DESI2: variants seen among roughly 807,000 people sequenced by gnomAD.
DESI2 encodes the protein desumoylating isopeptidase 2, also known as deubiquitinase DESI2.
In DESI2, 10 loss-of-function variants were observed where a neutral mutation model predicts 24.1. The observed-to-expected ratio is 0.41, with a 90% CI of 0.26 to 0.70. DESI2 has a LOEUF of 0.70. Among genes scored for constraint, DESI2 ranks in the 30% least tolerant of loss-of-function variants. The pLI is 0.29. For missense variants in DESI2, 122 were observed against 234.9 expected, an observed-to-expected ratio of 0.52 and a Z score of 3.14; for synonymous variants, 71 against 87.7, an observed-to-expected ratio of 0.81 and a Z score of 1.06.
At chr1:244,679,710 A>G (rs1489551528) in intron 1 of DESI2, among the ~76,000 whole-genome samples, 1 of 152,002 alleles carries the variant, frequency 6.6e-6, no homozygotes, top group Non-Finnish European at 1.5e-5. Context: ...ATCTCTACTA[A>G]AAATACAAAA....
At chr1:244,661,134 C>G (rs1342061847) in intron 1 of DESI2, among the ~76,000 whole-genome samples, 1 of 152,100 alleles carries the variant, frequency 6.6e-6, no homozygotes, top group Non-Finnish European at 1.5e-5. Flanking sequence ...TTTTATCTTG[C>G]AAAACTGAGA....
chr1:244,704,702 A>T (rs139408829), intron 4 of DESI2, among the ~76,000 whole-genome samples: 420 of 152,284 alleles, frequency 2.8e-3, no homozygotes, highest in Non-Finnish European at 4.5e-3. Flanking sequence ...TCTGTTGCCT[A>T]GGCTGGAGTG....
chr1:244,655,382 G>A (rs186512206), intron 1 of DESI2, among the ~76,000 whole-genome samples: 435 of 152,298 alleles, frequency 2.9e-3, no homozygotes, highest in African/African-American at 9.4e-3. Context: ...GCATATGAAT[G>A]TTTATCGGAA....
At chr1:244,664,926 G>T (rs1224341338) in intron 1 of DESI2, among the ~76,000 whole-genome samples, 1 of 152,136 alleles carries the variant, frequency 6.6e-6, no homozygotes, top group Non-Finnish European at 1.5e-5. Flanking sequence ...GTTCCCAAGT[G>T]GAATGCCAGT....
intron 1 of DESI2, among the ~76,000 whole-genome samples, chr1:244,659,202 G>T (rs1319340644): frequency 1.4e-4 from 21 of 149,908 alleles, no homozygotes; most frequent in African/African-American, 5.2e-4. Flanking sequence ...GGGGAAGGGG[G>T]TGGGGGAAGC....
At chr1:244,697,034 C>G (rs1216345449) in intron 4 of DESI2, among the ~76,000 whole-genome samples, 1 of 152,130 alleles carries the variant, frequency 6.6e-6, no homozygotes, top group Non-Finnish European at 1.5e-5. Context: ...GGAGAGGATC[C>G]TTAAAGCTTG....
chr1:244,668,267 T>A lies in DESI2; in HGVS notation c.42+14912T>A, dbSNP rs547227608. Among the ~76,000 whole-genome samples, 441 of 152,254 alleles carry A rather than the reference T, an allele frequency of 2.9e-3. 3 individuals carry two copies. Among genetic ancestry groups the A allele is most frequent in the African/African-American group, 0.01 (419 of 41,556 alleles). On this transcript the variant is annotated intron_variant, in intron 1 of 4. Coordinates refer to ENST00000302550, the MANE Select transcript of DESI2 (RefSeq NM_016076.5). ...AAATGAGATTTAAACTGACATACAA[T>A]TTAGGGGGGTCTTTCTAGAATAGTG...
chr1:244,666,115 C>T (rs1676035282), intron 1 of DESI2, among the ~76,000 whole-genome samples: 2 of 152,146 alleles, frequency 1.3e-5, no homozygotes, highest in Non-Finnish European at 2.9e-5. Context: ...GAGACAACTA[C>T]AATATGTCAT....
At chr1:244,685,263 C>T (rs1191119560) in intron 1 of DESI2, among the ~76,000 whole-genome samples, 4 of 152,070 alleles carry the variant, frequency 2.6e-5, no homozygotes, top group African/African-American at 9.7e-5. Context: ...ACTCTATTCC[C>T]TTCTATCCAT....
intron 1 of DESI2, among the ~76,000 whole-genome samples, chr1:244,670,815 T>A (rs1332010547): frequency 6.6e-6 from 1 of 152,188 alleles, no homozygotes; most frequent in Non-Finnish European, 1.5e-5. Flanking sequence ...AGCACATAGG[T>A]CTCCCAACTC....
intron 4 of DESI2, among the ~76,000 whole-genome samples, chr1:244,699,117 A>C (rs565729335): frequency 2.0e-5 from 3 of 152,292 alleles, no homozygotes; most frequent in Non-Finnish European, 4.4e-5. Context: ...CAGTTTGATT[A>C]CTAAATGCAG....
chr1:244,701,003 T>G (rs1003756177), intron 4 of DESI2, among the ~76,000 whole-genome samples: 22 of 152,156 alleles, frequency 1.4e-4, no homozygotes, highest in African/African-American at 5.3e-4. Context: ...AAGCAAAGTG[T>G]AGAAGGTGCA....
At position 244,706,183 on chromosome 1, in the gene DESI2, AG is replaced by A. The variant is rs1677698451; in HGVS notation, c.*395del. The stretch of plus-strand genomic sequence containing the variant: ...TCTTTGTATACTTCTGACAATTGCC[AG>A]ATCTATGGCATAAATAGGCACACAA... On this transcript the variant is annotated 3_prime_UTR_variant, in exon 5 of 5. Transcript: ENST00000302550. 1 of 185,508 alleles carries A rather than the reference AG, an allele frequency of 5.4e-6. No individual in the cohort carries two copies. The highest frequency in any genetic ancestry group is 1.1e-5 in the Non-Finnish European group (1 of 87,618). 11.5% of individuals were successfully genotyped at this position (185,508 alleles called of 1,614,324 possible).
At chr1:244,704,483 A>T (rs1331345823) in intron 4 of DESI2, among the ~76,000 whole-genome samples, 1 of 152,142 alleles carries the variant, frequency 6.6e-6, no homozygotes, top group Non-Finnish European at 1.5e-5. Flanking sequence ...CAGTATAAGG[A>T]CAGGAAGTGG....
chr1:244,672,983 G>A (rs1042885005), intron 1 of DESI2, among the ~76,000 whole-genome samples: 5 of 152,082 alleles, frequency 3.3e-5, no homozygotes, highest in Admixed American at 6.5e-5. Context: ...AAATCATTCC[G>A]TAAAAGGCTC....
At chr1:244,661,801 GTCTA>G (rs1675855237) in intron 1 of DESI2, among the ~76,000 whole-genome samples, 1 of 152,146 alleles carries the variant, frequency 6.6e-6, no homozygotes, top group African/African-American at 2.4e-5. Flanking sequence ...TCTTAATCCA[GTCTA>G]TCATTGATGG....
In DESI2 at chr1:244,707,838, C is replaced by G. The variant is rs547764917; in HGVS notation, c.*2049C>G. The stretch of plus-strand genomic sequence containing the variant: ...ATTGTTATTTTGTTGTATTTACTTG[C>G]ATTTGTTGTATTTACTTTCATCTGC... On this transcript the variant is annotated 3_prime_UTR_variant, in exon 5 of 5. Coordinates refer to ENST00000302550, the MANE Select transcript of DESI2 (RefSeq NM_016076.5). 3.1e-4 allele frequency: 47 copies of G among 152,250 alleles called. No homozygotes were observed. The highest frequency in any genetic ancestry group is 1.1e-3 in the African/African-American group (46 of 41,552). The allele number at this position is 152,250 out of a possible 1,614,324, so 9.4% of individuals were successfully genotyped here.
chr1:244,680,553 T>C lies in DESI2; in HGVS notation c.43-6044T>C, dbSNP rs150106705. Among the ~76,000 whole-genome samples, 162 of 152,368 alleles carry C rather than the reference T, an allele frequency of 1.1e-3. 3 individuals carry two copies. The East Asian group carries it at 0.028, about 26-fold the overall frequency. ...GACAGGAAAACTAACAAAGCAAATG[T>C]AGCTTTTGTATTTCGTCACATCCAA... On this transcript the variant is annotated intron_variant, in intron 1 of 4. Coordinates refer to ENST00000302550, the MANE Select transcript of DESI2 (RefSeq NM_016076.5).
Position 244,705,410 on chromosome 1 carries a change from T to C in DESI2, c.352-146T>C, listed in dbSNP as rs111921283. The C allele has an allele frequency of 4.9e-4, 307 of 630,476 alleles. No individual in the cohort carries two copies. The African/African-American group carries it at 5.1e-3, about 10-fold the overall frequency. The allele number at this position is 630,476 out of a possible 1,614,324, so 39.1% of individuals were successfully genotyped here. A position where few individuals can be genotyped will look rare whatever the true frequency, so the allele number is the denominator to read the frequency against. ...GTCCTGAGTAAAGAGCTGCTTGTTA[T>C]CAAAAGCCTGGAGTGACACCACTGA... is the stretch of plus-strand genomic sequence containing the variant. On this transcript the variant is annotated intron_variant, in intron 4 of 4. Coordinates refer to ENST00000302550, the MANE Select transcript of DESI2 (RefSeq NM_016076.5).
Sources: gnomAD v4.1 joint callset for allele counts (sites outside exome capture counted in the v4.1 genomes callset) on GRCh38, gnomAD v4.1.1 for gene constraint, MANE v1.5 for transcripts, NCBI Gene and HGNC (gene_info 2026-07-23, HGNC 2026-07-21) for gene names.